The following HMGCLL1 variants were observed in gnomAD, a reference collection of about 807,000 sequenced individuals.
HMGCLL1 encodes 3-hydroxy-3-methylglutaryl-CoA lyase like 1, also known as 3-hydroxymethyl-3-methylglutaryl-CoA lyase, cytoplasmic.
A neutral mutation model predicts 39.1 loss-of-function variants in HMGCLL1; 36 were observed. The observed-to-expected ratio is 0.92, with a 90% confidence interval of 0.71 to 1.22. The LOEUF is 1.22. Among genes scored for constraint, HMGCLL1 ranks in the 50% most tolerant of loss-of-function variants. HMGCLL1 has a pLI of 0.00. For missense variants in HMGCLL1, 451 were observed against 416.5 expected, an observed-to-expected ratio of 1.08 and a Z score of -0.72; for synonymous variants, 149 against 144.0, an observed-to-expected ratio of 1.03 and a Z score of -0.25.
the HMGCLL1 span, among the ~76,000 whole-genome samples, chr6:55,621,785 G>A: frequency 2.6e-5 from 4 of 151,922 alleles, no homozygotes; most frequent in Non-Finnish European, 2.9e-5. Context: ...GTCCATCATC[G>A]TTATATTCCA....
At chr6:55,454,177 G>C (rs1561889702) in intron 7 of HMGCLL1, among the ~76,000 whole-genome samples, 1 of 152,028 alleles carries the variant, frequency 6.6e-6, no homozygotes, top group Non-Finnish European at 1.5e-5. Context: ...GGACTCCATT[G>C]GTCAGTAAAA....
chr6:55,501,395 C>T (rs949947543), intron 5 of HMGCLL1, among the ~76,000 whole-genome samples: 4 of 151,884 alleles, frequency 2.6e-5, no homozygotes, highest in African/African-American at 9.7e-5. Flanking sequence ...CAGAGTTGAG[C>T]AGTTGCAACA....
intron 7 of HMGCLL1, among the ~76,000 whole-genome samples, chr6:55,490,351 C>T (rs1766247139): frequency 1.3e-5 from 2 of 151,994 alleles, no homozygotes; most frequent in South Asian, 4.1e-4. Context: ...CAAAACACAA[C>T]AACAACAAAC....
chr6:55,596,442 A>G, the HMGCLL1 span, among the ~76,000 whole-genome samples: 1 of 152,214 alleles, frequency 6.6e-6, no homozygotes. Flanking sequence ...GTAGAAAACA[A>G]AGCCTGCAGA....
intron 1 of HMGCLL1, among the ~76,000 whole-genome samples, chr6:55,549,159 T>C (rs1262418122): frequency 6.6e-6 from 1 of 151,630 alleles, no homozygotes; most frequent in Non-Finnish European, 1.5e-5. Flanking sequence ...ATTACAATCA[T>C]TATTGCTATA....
At chr6:55,652,549 T>C in the HMGCLL1 span, among the ~76,000 whole-genome samples, 17 of 152,252 alleles carry the variant, frequency 1.1e-4, no homozygotes, top group Middle Eastern at 3.4e-3. Context: ...CAGGTATCTG[T>C]GTCTGTGCTG....
chr6:55,655,896 A>G, the HMGCLL1 span, among the ~76,000 whole-genome samples: 1 of 151,926 alleles, frequency 6.6e-6, no homozygotes, highest in Non-Finnish European at 1.5e-5. Flanking sequence ...TTTAATTCCT[A>G]TTTTAATGTT....
chr6:55,458,281 A>G (rs1417533843), intron 7 of HMGCLL1, among the ~76,000 whole-genome samples: 1 of 152,166 alleles, frequency 6.6e-6, no homozygotes, highest in Non-Finnish European at 1.5e-5. Context: ...GTAGTAGAAA[A>G]TAAAGCATAC....
chr6:55,532,423 G>A (rs1340206803), intron 3 of HMGCLL1, among the ~76,000 whole-genome samples: 1 of 152,066 alleles, frequency 6.6e-6, no homozygotes, highest in Non-Finnish European at 1.5e-5. Flanking sequence ...AGTTGTTGTT[G>A]AATGCTGAGT....
chr6:55,452,424 A>C (rs972491902), intron 7 of HMGCLL1, among the ~76,000 whole-genome samples: 1 of 152,182 alleles, frequency 6.6e-6, no homozygotes, highest in South Asian at 2.1e-4. Flanking sequence ...AGAGAAATTC[A>C]ATCTCTAGTA....
chr6:55,490,667 T>C (rs1320110394), intron 7 of HMGCLL1, among the ~76,000 whole-genome samples: 1 of 152,162 alleles, frequency 6.6e-6, no homozygotes, highest in Non-Finnish European at 1.5e-5. Context: ...GTGTTATTTT[T>C]AAATGTTGAT....
chr6:55,461,453 G>C (rs1317496151), intron 7 of HMGCLL1, among the ~76,000 whole-genome samples: 1 of 151,952 alleles, frequency 6.6e-6, no homozygotes, highest in Non-Finnish European at 1.5e-5. Flanking sequence ...ATGCCTGGAT[G>C]GGGGAGGCTG....
At chr6:55,488,270 G>A (rs766184181) in intron 7 of HMGCLL1, among the ~76,000 whole-genome samples, 1 of 151,946 alleles carries the variant, frequency 6.6e-6, no homozygotes, top group African/African-American at 2.4e-5. Context: ...AGTAGATGTA[G>A]CCATACATGA....
At chr6:55,542,348 CTA>C (rs1430224063) in intron 1 of HMGCLL1, among the ~76,000 whole-genome samples, 7 of 151,842 alleles carry the variant, frequency 4.6e-5, no homozygotes, top group African/African-American at 1.7e-4. Flanking sequence ...GATATTTAGT[CTA>C]GTTATGATTA....
At chr6:55,445,489 C>T (rs1581787948) in intron 7 of HMGCLL1, among the ~76,000 whole-genome samples, 1 of 151,916 alleles carries the variant, frequency 6.6e-6, no homozygotes, top group Non-Finnish European at 1.5e-5. Flanking sequence ...TTTTACTTAA[C>T]CATTGAAATC....
At chr6:55,471,631 C>T (rs933717506) in intron 7 of HMGCLL1, among the ~76,000 whole-genome samples, 2 of 151,304 alleles carry the variant, frequency 1.3e-5, no homozygotes, top group Non-Finnish European at 3.0e-5. Context: ...CATTTGTGTT[C>T]CCTTTTATGA....
At chr6:55,458,449 T>C (rs1331317304) in intron 7 of HMGCLL1, among the ~76,000 whole-genome samples, 1 of 152,170 alleles carries the variant, frequency 6.6e-6, no homozygotes, top group Admixed American at 6.6e-5. Flanking sequence ...AAAGTTTTAT[T>C]CTGATGAAGG....
At chr6:55,595,112 A>G in the HMGCLL1 span, among the ~76,000 whole-genome samples, 1 of 152,230 alleles carries the variant, frequency 6.6e-6, no homozygotes, top group African/African-American at 2.4e-5. Context: ...AAAATTGAAA[A>G]TGAATTTTTA....
chr6:55,664,834 T>C, the HMGCLL1 span, among the ~76,000 whole-genome samples: 1 of 151,578 alleles, frequency 6.6e-6, no homozygotes, highest in East Asian at 2.0e-4. Context: ...CTTTGCTCCT[T>C]TGGCCTCTTC....
Sources: allele counts gnomAD v4.1 joint callset (sites outside exome capture counted in the v4.1 genomes callset), GRCh38; gene constraint gnomAD v4.1.1; transcripts MANE v1.5; gene names NCBI Gene and HGNC (gene_info 2026-07-23, HGNC 2026-07-21).